RFX6: variants seen among roughly 807,000 people sequenced by gnomAD.
The protein encoded by RFX6 is regulatory factor X6, also known as DNA-binding protein RFX6.
A neutral mutation model predicts 110.8 loss-of-function variants in RFX6; 50 were observed. The observed-to-expected ratio is 0.45, with a 90% CI of 0.36 to 0.57. RFX6 has a LOEUF of 0.57. Among genes scored for constraint, RFX6 ranks in the 20% least tolerant of loss-of-function variants. The pLI, the probability that RFX6 is intolerant of heterozygous loss-of-function variation, is 0.00. For missense variants in RFX6, 990 were observed against 1,127.0 expected (o/e 0.88, Z 1.74); for synonymous variants, 383 against 411.2 (o/e 0.93, Z 0.83).
intron 4 of RFX6, among the ~76,000 whole-genome samples, chr6:116,883,368 T>G (rs1774633052): frequency 6.6e-6 from 1 of 152,076 alleles, no homozygotes; most frequent in Non-Finnish European, 1.5e-5. Flanking sequence ...CTTCTACCAC[T>G]CCTTTTCTGG....
intron 7 of RFX6, among the ~76,000 whole-genome samples, chr6:116,915,257 T>C (rs1420774908): frequency 6.6e-6 from 1 of 152,208 alleles, no homozygotes; most frequent in Non-Finnish European, 1.5e-5. Context: ...CTTTTCATAA[T>C]AGACATTCAA....
intron 11 of RFX6, among the ~76,000 whole-genome samples, chr6:116,919,916 A>G (rs548192958): frequency 1.4e-4 from 22 of 152,338 alleles, no homozygotes; most frequent in African/African-American, 5.3e-4. Flanking sequence ...CAAGCTTGAG[A>G]TGATTTCAGA....
intron 6 of RFX6, among the ~76,000 whole-genome samples, chr6:116,908,812 C>T (rs937560726): frequency 6.6e-6 from 1 of 151,930 alleles, no homozygotes; most frequent in African/African-American, 2.4e-5. Flanking sequence ...ATACAGCATT[C>T]TCCTCTGTTT....
intron 6 of RFX6, among the ~76,000 whole-genome samples, chr6:116,898,851 C>G (rs1458216672): frequency 6.6e-6 from 1 of 152,068 alleles, no homozygotes; most frequent in Non-Finnish European, 1.5e-5. Context: ...AAAAGAAAGT[C>G]CTAGCTATTC....
intron 6 of RFX6, among the ~76,000 whole-genome samples, chr6:116,896,295 A>G (rs1045477089): frequency 3.9e-5 from 6 of 152,180 alleles, no homozygotes. Flanking sequence ...TTAGAAGAGG[A>G]CACTGCAAAT....
At chr6:116,879,745 A>C (rs979368419) in intron 2 of RFX6, among the ~76,000 whole-genome samples, 1 of 152,006 alleles carries the variant, frequency 6.6e-6, no homozygotes, top group Admixed American at 6.5e-5. Context: ...TTGGAATCTA[A>C]AAGTTTAATT....
intron 17 of RFX6, among the ~76,000 whole-genome samples, chr6:116,927,917 A>G (rs1775784364): frequency 6.6e-6 from 1 of 150,480 alleles, no homozygotes; most frequent in Admixed American, 6.6e-5. Flanking sequence ...TATATTTTAA[A>G]TTTTTTCTAG....
At position 116,925,675 on chromosome 6, in the gene RFX6, C is replaced by A; in HGVS notation, c.1885+16C>A. The A allele has an allele frequency of 6.4e-7, 1 of 1,574,774 alleles. No homozygotes were observed. Among genetic ancestry groups the A allele is most frequent in the Non-Finnish European group, 8.7e-7 (1 of 1,145,348 alleles). On this transcript the variant is annotated intron_variant, in intron 16 of 18. Coordinates refer to ENST00000332958, the MANE Select transcript of RFX6 (RefSeq NM_173560.4). ...CCGCTCACAGGTACGCTAAAGAGAACTGCTTAGGCTCCAGCACATCTCAGA... is the reference window on the plus strand; with the variant it reads ...CCGCTCACAGGTACGCTAAAGAGAAATGCTTAGGCTCCAGCACATCTCAGA...
At chr6:116,927,702 A>G (rs1003639061) in intron 17 of RFX6, among the ~76,000 whole-genome samples, 163 bp downstream of exon 17, 2 of 137,336 alleles carry the variant, frequency 1.5e-5, no homozygotes, top group African/African-American at 5.5e-5. Context: ...ATACATATAT[A>G]TTTCCTAATT....
intron 6 of RFX6, among the ~76,000 whole-genome samples, chr6:116,910,221 C>T (rs1775321866): frequency 6.6e-6 from 1 of 152,114 alleles, no homozygotes; most frequent in African/African-American, 2.4e-5. Context: ...GCCTGGGAGA[C>T]TGATTTGCTG....
chr6:116,908,669 T>TACACAC lies in RFX6; in HGVS notation c.673-2252_673-2247dup, dbSNP rs753592440. On this transcript the variant is annotated intron_variant, in intron 6 of 18. Transcript: ENST00000332958. ...ATTAAGTTTTCCTCTATTTCTAGCA[T>TACACAC]ACACACACACACACACACAGACACA... Among the ~76,000 whole-genome samples, 643 of 102,354 alleles carry TACACAC rather than the reference T, an allele frequency of 6.3e-3. 5 individuals carry two copies. Among genetic ancestry groups the TACACAC allele is most frequent in the African/African-American group, 0.019 (534 of 28,780 alleles). 67.1% of individuals were successfully genotyped at this position (102,354 alleles called of 152,430 possible).
Position 116,920,559 on chromosome 6 carries a change from T to C in RFX6, c.1327+105T>C, listed in dbSNP as rs1170330471. 5.3e-6 allele frequency: 5 copies of C among 952,368 alleles called. No homozygotes were observed. The African/African-American group carries it at 6.5e-5, about 12-fold the overall frequency. 59.0% of individuals were successfully genotyped at this position (952,368 alleles called of 1,614,324 possible). ...GGAGCCTGTCCAGTGTGCTGTAGGA[T>C]GTTTAGCAGCATCCTTGACCTTTAC... On this transcript the variant is annotated intron_variant, in intron 12 of 18. Coordinates refer to ENST00000332958, the MANE Select transcript of RFX6 (RefSeq NM_173560.4).
intron 14 of RFX6, 183 bp downstream of exon 14, chr6:116,923,407 A>T: frequency 1.7e-6 from 1 of 593,244 alleles, no homozygotes. Flanking sequence ...GCAGGATTAA[A>T]TCCTAACAAT....
intron 13 of RFX6, 136 bp downstream of exon 13, chr6:116,922,287 C>G (rs892695889): frequency 4.4e-6 from 3 of 674,202 alleles, no homozygotes; most frequent in Non-Finnish European, 8.1e-6. Context: ...TGATGCTCTA[C>G]GAATAAGGCA....
chr6:116,931,129 G>A (rs1341618637), intron 18 of RFX6, among the ~76,000 whole-genome samples: 1 of 152,134 alleles, frequency 6.6e-6, no homozygotes, highest in Non-Finnish European at 1.5e-5. Flanking sequence ...GAAATATGTA[G>A]AGGAAATAAT....
Position 116,925,413 on chromosome 6 carries a change from G to GA in RFX6, c.1679-34dup, listed in dbSNP as rs67292089. On this transcript the variant is annotated intron_variant, in intron 15 of 18. Transcript: ENST00000332958. ...TTGGGTTTATCTACGAGGAATGTGAGAAAAAATCTCAAATTTCCCATTTTA... is the reference window on the plus strand; with the variant it reads ...TTGGGTTTATCTACGAGGAATGTGAGAAAAAAATCTCAAATTTCCCATTTTA... 0.41 allele frequency: 612,087 copies of GA among 1,501,816 alleles called. 128,747 individuals carry two copies. Among genetic ancestry groups the GA allele is most frequent in the East Asian group, 0.51 (22,400 of 44,284 alleles). The allele number at this position is 1,501,816 out of a possible 1,614,324, so 93.0% of individuals were successfully genotyped here.
intron 4 of RFX6, among the ~76,000 whole-genome samples, chr6:116,883,079 TC>T (rs1459013506): frequency 6.6e-6 from 1 of 152,118 alleles, no homozygotes; most frequent in East Asian, 1.9e-4. Flanking sequence ...TATGAGCATG[TC>T]CAGATCTCCT....
At chr6:116,925,388 T>G (rs1775688157) in intron 15 of RFX6, 65 bp from the exon 16 acceptor site, 1 of 1,227,964 alleles carries the variant, frequency 8.1e-7, no homozygotes, top group African/African-American at 1.5e-5. Context: ...TTCTTTTTAC[T>G]TGGGTTTATC....
chr6:116,917,392 G>A (rs1157882938), intron 9 of RFX6, among the ~76,000 whole-genome samples: 1 of 148,434 alleles, frequency 6.7e-6, no homozygotes, highest in Non-Finnish European at 1.5e-5. Flanking sequence ...GAGAAAAACA[G>A]TTTAATTTGC....
Sources: allele counts gnomAD v4.1 joint callset (sites outside exome capture counted in the v4.1 genomes callset), GRCh38; gene constraint gnomAD v4.1.1; transcripts MANE v1.5; gene names NCBI Gene and HGNC (gene_info 2026-07-23, HGNC 2026-07-21).